The following NODAL variants were observed in gnomAD, a reference collection of about 807,000 sequenced individuals.
NODAL encodes nodal homolog.
A neutral mutation model predicts 34.0 loss-of-function variants in NODAL; 12 were observed. The ratio of observed to expected loss-of-function variants is 0.35; its 90% CI spans 0.23 to 0.57. The LOEUF (loss-of-function observed/expected upper bound fraction) is 0.57, where lower values mean the gene tolerates loss of function less well. Ranked by LOEUF, NODAL falls within the 20% of genes least tolerant of loss-of-function variation. NODAL has a pLI of 0.83. For missense variants in NODAL, 390 were observed against 444.2 expected, an observed-to-expected ratio of 0.88 and a Z score of 1.10; for synonymous variants, 162 against 186.4, an observed-to-expected ratio of 0.87 and a Z score of 1.07.
intron 1 of NODAL, chr10:70,436,629 C>T (rs1267496976): frequency 4.6e-5 from 7 of 152,798 alleles, no homozygotes; most frequent in Admixed American, 4.5e-4. Context: ...CATGGAAAAG[C>T]TCAGAGCTCT....
chr10:70,445,504 C>T (rs573944338), upstream of NODAL, among the ~76,000 whole-genome samples: 7 of 152,172 alleles, frequency 4.6e-5, no homozygotes, highest in East Asian at 1.9e-4. Context: ...GTGATCCACC[C>T]GCCTTGGCCT....
In NODAL at chr10:70,435,515, C is replaced by T. The variant is rs138681813; in HGVS notation, c.662G>A (p.Arg221Gln). ...CCAGGACAGCTGTCCCTCCTGGGCC[C>T]GCCAGGAGCTCTCGGCTTCCCACAG... is the stretch of plus-strand genomic sequence containing the variant. ...TLLWEAESSW[R>Q]AQEGQLSWEW... is the part of the protein sequence containing the mutation. The change falls in exon 2 of 3, where the codon CGG (arginine) becomes CAG (glutamine). Residue 221 changes from arginine to glutamine, a missense_variant. By Grantham distance (43) the Arg-to-Gln change is conservative. Coordinates refer to ENST00000287139, the MANE Select transcript of NODAL (RefSeq NM_018055.5). 2.3e-4 allele frequency: 376 copies of T among 1,614,088 alleles called. No homozygotes were observed. Among genetic ancestry groups the T allele is most frequent in the East Asian group, 7.8e-4 (35 of 44,876 alleles).
At position 70,432,718 on chromosome 10, in the gene NODAL, C is replaced by T; in HGVS notation, c.*218G>A. 1 of 604,096 alleles carries T rather than the reference C, an allele frequency of 1.7e-6. No homozygotes were observed. 37.4% of individuals were successfully genotyped at this position (604,096 alleles called of 1,614,324 possible). ...ACATCCAGCCAGCCCCCTGCACAGG[C>T]TTCTTCCTCCCTCTTCCTGACAGCA... On this transcript the variant is annotated 3_prime_UTR_variant, in exon 3 of 3. Coordinates refer to ENST00000287139, the MANE Select transcript of NODAL (RefSeq NM_018055.5).
At position 70,433,033 on chromosome 10, in the gene NODAL, A is replaced by G; in HGVS notation, c.947T>C (p.Val316Ala). Residue 316 changes from valine (V) to alanine (A), a missense_variant, in exon 3 of 3, where the codon GTG (valine) becomes GCG (alanine). Physicochemically the swap from Val to Ala is moderately conservative, Grantham distance 64. Coordinates refer to ENST00000287139, the MANE Select transcript of NODAL (RefSeq NM_018055.5). ...CAGCATGCTCAGCGGCTTGGTCTTC[A>G]CTGGGGCACAACAAGTGGAAGGGAC... is the stretch of plus-strand genomic sequence containing the variant. ...HRVPSTCCAP[V>A]KTKPLSMLYV... 1 of 1,613,722 alleles carries G rather than the reference A, an allele frequency of 6.2e-7. No individual in the cohort carries two copies. The highest frequency in any genetic ancestry group is 8.5e-7 in the Non-Finnish European group (1 of 1,179,960).
chr10:70,440,641 C>A lies in NODAL; in HGVS notation c.193+834G>T, dbSNP rs930691595. Among the ~76,000 whole-genome samples the A allele has an allele frequency of 5.3e-4, 81 of 152,216 alleles. 1 individual carries two copies. Among genetic ancestry groups the A allele is most frequent in the Non-Finnish European group, 1.0e-4 (7 of 68,032 alleles). ...CGGAAGGGGCTCCCTCTCCGCAGCA[C>A]CCACCTGCTCGCCGCGCTGGGTGCC... On this transcript the variant is annotated intron_variant, in intron 1 of 2. Coordinates refer to ENST00000287139, the MANE Select transcript of NODAL (RefSeq NM_018055.5).
chr10:70,443,977 G>T (rs1845461207), upstream of NODAL, among the ~76,000 whole-genome samples: 1 of 147,488 alleles, frequency 6.8e-6, no homozygotes, highest in African/African-American at 2.5e-5. Flanking sequence ...TTGTCGCCCA[G>T]GCTAGAGTGC....
At chr10:70,441,181 G>T (rs886970461) in intron 1 of NODAL, among the ~76,000 whole-genome samples, 2 of 152,254 alleles carry the variant, frequency 1.3e-5, no homozygotes, top group Non-Finnish European at 2.9e-5. Context: ...TGCGCTCCGC[G>T]CAATCCCAAA....
Position 70,432,780 on chromosome 10 carries a change from T to G in NODAL, c.*156A>C, listed in dbSNP as rs1176791851. 3 of 824,734 alleles carry G rather than the reference T, an allele frequency of 3.6e-6. No individual in the cohort carries two copies. Among genetic ancestry groups the G allele is most frequent in the Non-Finnish European group, 4.0e-6 (2 of 495,688 alleles). 51.1% of individuals were successfully genotyped at this position (824,734 alleles called of 1,614,324 possible). Reference sequence around the variant, plus strand: ...TGGCCAGACTCCACTGAGCCCTTCATTTACAGAGTGGGCAGCCCCTCCTCT... The same window carrying G: ...TGGCCAGACTCCACTGAGCCCTTCAGTTACAGAGTGGGCAGCCCCTCCTCT... On this transcript the variant is annotated 3_prime_UTR_variant, in exon 3 of 3. Transcript: ENST00000287139.
Position 70,435,037 on chromosome 10 carries a change from G to T in NODAL, c.891+249C>A, listed in dbSNP as rs944828824. 3 of 516,752 alleles carry T rather than the reference G, an allele frequency of 5.8e-6. No homozygotes were observed. In the Admixed American group the frequency reaches 9.7e-5, roughly 17 times the overall value. 32.0% of individuals were successfully genotyped at this position (516,752 alleles called of 1,614,324 possible). ...ACCCCCACCCCCTAATTTTATGAAA[G>T]ACAAGGATAAAGTCCCAGGGAAACA... On this transcript the variant is annotated intron_variant, in intron 2 of 2. Transcript: ENST00000287139.
chr10:70,440,871 C>T (rs1845422015), intron 1 of NODAL, among the ~76,000 whole-genome samples: 1 of 152,310 alleles, frequency 6.6e-6, no homozygotes, highest in Non-Finnish European at 1.5e-5. Flanking sequence ...GCCCGAATCC[C>T]CGATGTTACC....
At chr10:70,444,396 C>A (rs1416569376), upstream of NODAL, among the ~76,000 whole-genome samples, 1 of 149,988 alleles carries the variant, frequency 6.7e-6, no homozygotes. Flanking sequence ...GTTACACAAT[C>A]TCGGTTCATT....
In NODAL at chr10:70,432,116, C is replaced by G. The variant is rs941592035; in HGVS notation, c.*820G>C. ...CTTGCCACCCAGGGCAAGGCCTTCACCACTGCTGGATAGGAAGCTCAGAGG... is the reference window on the plus strand; with the variant it reads ...CTTGCCACCCAGGGCAAGGCCTTCAGCACTGCTGGATAGGAAGCTCAGAGG... On this transcript the variant is annotated 3_prime_UTR_variant, in exon 3 of 3. Coordinates refer to ENST00000287139, the MANE Select transcript of NODAL (RefSeq NM_018055.5). Among the ~76,000 whole-genome samples, 20 of 152,248 alleles carry G rather than the reference C, an allele frequency of 1.3e-4. No individual in the cohort carries two copies. The highest frequency in any genetic ancestry group is 4.8e-4 in the African/African-American group (20 of 41,464).
In NODAL at chr10:70,432,454, G is replaced by A. The variant is rs148742827; in HGVS notation, c.*482C>T. 25 of 199,638 alleles carry A rather than the reference G, an allele frequency of 1.3e-4. No homozygotes were observed. The highest frequency in any genetic ancestry group is 5.6e-4 in the African/African-American group (24 of 43,110). 12.4% of individuals were successfully genotyped at this position (199,638 alleles called of 1,614,324 possible). ...CAACCCAGCCTGAGGCAATGAGATT[G>A]ACGGACTCTTTTTAATCTATACAGT... On this transcript the variant is annotated 3_prime_UTR_variant, in exon 3 of 3. Transcript: ENST00000287139.
At position 70,432,462 on chromosome 10, in the gene NODAL, CTT is replaced by C. The variant is rs1033024904; in HGVS notation, c.*472_*473del. ...CCTGAGGCAATGAGATTGACGGACT[CTT>C]TTTAATCTATACAGTGATCCTTAAT... On this transcript the variant is annotated 3_prime_UTR_variant, in exon 3 of 3. Coordinates refer to ENST00000287139, the MANE Select transcript of NODAL (RefSeq NM_018055.5). The C allele has an allele frequency of 1.0e-4, 22 of 210,402 alleles. No homozygotes were observed. Among genetic ancestry groups the C allele is most frequent in the African/African-American group, 4.4e-4 (19 of 43,406 alleles). The allele number at this position is 210,402 out of a possible 1,614,324, so 13.0% of individuals were successfully genotyped here. A position where few individuals can be genotyped will look rare whatever the true frequency, so the allele number is the denominator to read the frequency against.
chr10:70,447,457 G>T (rs1345552775), intron 1 of NODAL, among the ~76,000 whole-genome samples: 1 of 152,052 alleles, frequency 6.6e-6, no homozygotes, highest in Non-Finnish European at 1.5e-5. Flanking sequence ...AGGCCAAGAT[G>T]GAAGGATCGA....
Position 70,432,828 on chromosome 10 carries a change from C to T in NODAL, c.*108G>A. 1 of 1,355,720 alleles carries T rather than the reference C, an allele frequency of 7.4e-7. No individual in the cohort carries two copies. Among genetic ancestry groups the T allele is most frequent in the Non-Finnish European group, 1.0e-6 (1 of 952,878 alleles). 84.0% of individuals were successfully genotyped at this position (1,355,720 alleles called of 1,614,324 possible). On this transcript the variant is annotated 3_prime_UTR_variant, in exon 3 of 3. Coordinates refer to ENST00000287139, the MANE Select transcript of NODAL (RefSeq NM_018055.5). ...TCTTCAGTTCTGGTGGGCAGAGCAACTTTGCCCCTCTCTGTTTCTCCTTAC... is the reference window on the plus strand; with the variant it reads ...TCTTCAGTTCTGGTGGGCAGAGCAATTTTGCCCCTCTCTGTTTCTCCTTAC...
At position 70,435,644 on chromosome 10, in the gene NODAL, C is replaced by A. The variant is rs907057720; in HGVS notation, c.533G>T (p.Gly178Val). ...ALEKQMSRVAGECWPRPPTPP... is the reference protein window; with the variant it reads ...ALEKQMSRVAVECWPRPPTPP... Reference sequence around the variant, plus strand: ...TGTGGGGGGCCGCGGCCAGCACTCTCCAGCTACCCTGGACATCTGCTTCTC... The same window carrying A: ...TGTGGGGGGCCGCGGCCAGCACTCTACAGCTACCCTGGACATCTGCTTCTC... The change falls in exon 2 of 3, where the codon GGA (glycine) becomes GTA (valine). Residue 178 changes from glycine to valine, a missense_variant. By Grantham distance (109) the Gly-to-Val change is moderately radical (BLOSUM62 -3). Transcript: ENST00000287139. The A allele has an allele frequency of 1.2e-6, 2 of 1,613,950 alleles. No individual in the cohort carries two copies. Among genetic ancestry groups the A allele is most frequent in the Admixed American group, 3.3e-5 (2 of 59,996 alleles).
chr10:70,441,783 C>G (rs1428174236), upstream of NODAL: 14 of 1,122,226 alleles, frequency 1.2e-5, no homozygotes, highest in Non-Finnish European at 1.4e-5. Context: ...TATAACCCCC[C>G]TCCGGAGGGT....
rs1845274708 is a variant in NODAL at position 70,432,364 on chromosome 10, C to T, written c.*572G>A. The T allele has an allele frequency of 5.7e-6, 1 of 175,566 alleles. No individual in the cohort carries two copies. The highest frequency in any genetic ancestry group is 1.3e-4 in the South Asian group (1 of 7,480). The allele number at this position is 175,566 out of a possible 1,614,324, so 10.9% of individuals were successfully genotyped here. A position where few individuals can be genotyped will look rare whatever the true frequency, so the allele number is the denominator to read the frequency against. Reference sequence around the variant, plus strand: ...TACAGCTCATTAGCAGAGAACCACTCCAGTGAGCCTCTGGACAAGGCCAGT... The same window carrying T: ...TACAGCTCATTAGCAGAGAACCACTTCAGTGAGCCTCTGGACAAGGCCAGT... On this transcript the variant is annotated 3_prime_UTR_variant, in exon 3 of 3. Coordinates refer to ENST00000287139, the MANE Select transcript of NODAL (RefSeq NM_018055.5).
Sources: allele counts gnomAD v4.1 joint callset (sites outside exome capture counted in the v4.1 genomes callset), GRCh38; gene constraint gnomAD v4.1.1; transcripts MANE v1.5; gene names NCBI Gene and HGNC (gene_info 2026-07-23, HGNC 2026-07-21).